MTMR7: variants seen among roughly 807,000 people sequenced by gnomAD.
MTMR7 encodes the protein phosphatidylinositol-3-phosphate phosphatase MTMR7.
MTMR7 carries 76 observed loss-of-function variants against 81.2 expected under a neutral mutation model. The ratio of observed to expected loss-of-function variants is 0.94; its 90% confidence interval spans 0.78 to 1.13. The LOEUF is 1.13. MTMR7 is among the 50% of genes most tolerant of loss of function. The pLI is 0.00. For synonymous variants in MTMR7, 372 were observed against 289.8 expected (o/e 1.28, Z -2.88); for missense variants, 1,044 against 820.0 (o/e 1.27, Z -3.34).
At chr8:17,324,522 G>A (rs1368282363) in intron 7 of MTMR7, among the ~76,000 whole-genome samples, 2 of 152,176 alleles carry the variant, frequency 1.3e-5, no homozygotes, top group Non-Finnish European at 2.9e-5. Flanking sequence ...AGTGTTGGAC[G>A]GTCCAGATGG....
chr8:17,357,798 G>T (rs972921307), intron 4 of MTMR7, among the ~76,000 whole-genome samples: 1 of 152,184 alleles, frequency 6.6e-6, no homozygotes, highest in Non-Finnish European at 1.5e-5. Flanking sequence ...AACTAGCACT[G>T]GTGATGTTCA....
At chr8:17,405,704 A>G (rs955408238) in intron 1 of MTMR7, among the ~76,000 whole-genome samples, 1 of 152,140 alleles carries the variant, frequency 6.6e-6, no homozygotes, top group African/African-American at 2.4e-5. Flanking sequence ...GCCTCCAGAC[A>G]CTAAATAATG....
chr8:17,412,657 T>C (rs1055483888), intron 1 of MTMR7, among the ~76,000 whole-genome samples: 14 of 152,156 alleles, frequency 9.2e-5, no homozygotes, highest in African/African-American at 3.4e-4. Flanking sequence ...AGCTGCATCC[T>C]TTTCTCTAAC....
chr8:17,385,242 T>C (rs1174498976), intron 1 of MTMR7, among the ~76,000 whole-genome samples: 3 of 152,106 alleles, frequency 2.0e-5, no homozygotes, highest in South Asian at 2.1e-4. Flanking sequence ...GATTTGATCA[T>C]GGGGCAGTTT....
chr8:17,413,153 C>T, intron 1 of MTMR7, 116 bp downstream of exon 1: 7 of 1,206,110 alleles, frequency 5.8e-6, no homozygotes, highest in Non-Finnish European at 7.2e-6. Context: ...CCCTCGCCCG[C>T]GGTCCAGGCT....
chr8:17,311,101 A>G (rs1817756966), intron 9 of MTMR7, among the ~76,000 whole-genome samples: 1 of 152,220 alleles, frequency 6.6e-6, no homozygotes, highest in South Asian at 2.1e-4. Flanking sequence ...AGTTTTTCCT[A>G]CCAAGGACTT....
chr8:17,324,272 G>A (rs1043648715), intron 7 of MTMR7, among the ~76,000 whole-genome samples: 4 of 152,306 alleles, frequency 2.6e-5, no homozygotes, highest in Admixed American at 6.5e-5. Context: ...ATAGATGAGC[G>A]TCTGCGATAA....
intron 7 of MTMR7, among the ~76,000 whole-genome samples, chr8:17,325,793 C>A (rs954424594): frequency 6.6e-6 from 1 of 152,180 alleles, no homozygotes; most frequent in Non-Finnish European, 1.5e-5. Flanking sequence ...TACTTCATGT[C>A]TTTTGAATAA....
chr8:17,372,074 C>A (rs1820438971), intron 2 of MTMR7, among the ~76,000 whole-genome samples: 1 of 152,018 alleles, frequency 6.6e-6, no homozygotes, highest in Admixed American at 6.5e-5. Context: ...ATTCTACTCT[C>A]TAAAGAGGAG....
chr8:17,376,925 T>C (rs1325691231), intron 1 of MTMR7, among the ~76,000 whole-genome samples: 1 of 152,142 alleles, frequency 6.6e-6, no homozygotes, highest in Admixed American at 6.5e-5. Flanking sequence ...TCCTAATCTT[T>C]AAAGGAGTCT....
At chr8:17,379,341 C>T (rs1820690938) in intron 1 of MTMR7, among the ~76,000 whole-genome samples, 1 of 152,112 alleles carries the variant, frequency 6.6e-6, no homozygotes, top group East Asian at 1.9e-4. Flanking sequence ...AGTCTGACCA[C>T]GCGAACTCCA....
At chr8:17,303,947 A>G (rs896178139) in intron 12 of MTMR7, among the ~76,000 whole-genome samples, 1 of 152,188 alleles carries the variant, frequency 6.6e-6, no homozygotes, top group Non-Finnish European at 1.5e-5. Context: ...AAGGCAACCT[A>G]TTACGTTGGT....
rs559831673 is a variant in MTMR7, at chr8:17,354,951, T to TTGTTAGTTTTGTTTTGC, written c.469-5887_469-5871dup. Among the ~76,000 whole-genome samples, 487 of 152,304 alleles carry TTGTTAGTTTTGTTTTGC rather than the reference T, an allele frequency of 3.2e-3. 3 individuals carry two copies. The highest frequency in any genetic ancestry group is 0.011 in the African/African-American group (467 of 41,574). On this transcript the variant is annotated intron_variant, in intron 4 of 13. Coordinates refer to ENST00000180173, the MANE Select transcript of MTMR7 (RefSeq NM_004686.5). ...TTTCTGCTTCAAAACAGTTTGTTCC[T>TTGTTAGTTTTGTTTTGC]TGTTAGTTTTGTTTTGCTGTTAGTT...
In MTMR7 at chr8:17,331,369, C is replaced by T. The variant is rs1818994225; in HGVS notation, c.733-87G>A. 2.9e-6 allele frequency: 4 copies of T among 1,359,918 alleles called. No homozygotes were observed. The East Asian group carries it at 7.3e-5, about 25-fold the overall frequency. The allele number at this position is 1,359,918 out of a possible 1,614,324, so 84.2% of individuals were successfully genotyped here. ...CCAAAACATTTCATGGATACCCAAT[C>T]AAAGCATTCAGAATGATGTACGGAA... On this transcript the variant is annotated intron_variant, in intron 6 of 13. Coordinates refer to ENST00000180173, the MANE Select transcript of MTMR7 (RefSeq NM_004686.5).
At chr8:17,364,475 G>C (rs1820161177) in intron 3 of MTMR7, among the ~76,000 whole-genome samples, 1 of 152,134 alleles carries the variant, frequency 6.6e-6, no homozygotes, top group Non-Finnish European at 1.5e-5. Flanking sequence ...GTACACTACT[G>C]AACTATTACC....
Position 17,332,999 on chromosome 8 carries a change from G to A in MTMR7, c.733-1717C>T, listed in dbSNP as rs547851476. Among the ~76,000 whole-genome samples, 8 of 152,220 alleles carry A rather than the reference G, an allele frequency of 5.3e-5. 1 individual carries two copies. The South Asian group carries it at 1.7e-3, about 32-fold the overall frequency. On this transcript the variant is annotated intron_variant, in intron 6 of 13. Transcript: ENST00000180173. ...GATACCGAGAGCATATATGAAGTTT[G>A]TAATTGAAATAATAGAAATAAAGTA...
rs142217339 is a variant in MTMR7, at chr8:17,329,226, C to A, written c.865+1924G>T. On this transcript the variant is annotated intron_variant, in intron 7 of 13. Transcript: ENST00000180173. ...GATAGCTGTTTGAAGGAGGAAAAGC[C>A]TTAGAAGGTGGGTCTGATTGCAACA... Among the ~76,000 whole-genome samples the A allele has an allele frequency of 4.8e-3, 731 of 152,208 alleles. 4 individuals are homozygous for A. Among genetic ancestry groups the A allele is most frequent in the African/African-American group, 0.017 (693 of 41,510 alleles).
intron 7 of MTMR7, among the ~76,000 whole-genome samples, chr8:17,322,624 A>G (rs1271616170): frequency 6.6e-6 from 1 of 152,096 alleles, no homozygotes; most frequent in Non-Finnish European, 1.5e-5. Context: ...GTTCAAGATC[A>G]ACCTGGGTAA....
chr8:17,397,231 T>A (rs773648205), intron 1 of MTMR7, among the ~76,000 whole-genome samples: 1 of 151,724 alleles, frequency 6.6e-6, no homozygotes, highest in South Asian at 2.1e-4. Flanking sequence ...CCTCAGGTAC[T>A]AGCTCAGCCA....
Sources: allele counts gnomAD v4.1 joint callset (sites outside exome capture counted in the v4.1 genomes callset), GRCh38; gene constraint gnomAD v4.1.1; transcripts MANE v1.5; gene names NCBI Gene and HGNC (gene_info 2026-07-23, HGNC 2026-07-21).